Variants in PAGE1 observed in about 807,000 individuals in gnomAD.
PAGE1 encodes the protein PAGE family member 1.
In PAGE1, 6 loss-of-function variants were observed where a neutral mutation model predicts 11.5. That is an observed-to-expected ratio of 0.52 (90% CI 0.29 to 1.03). PAGE1 has a LOEUF of 1.03. Ranked by LOEUF, PAGE1 falls within the 50% of genes least tolerant of loss-of-function variation. PAGE1 has a pLI of 0.09. For synonymous variants in PAGE1, 42 were observed against 40.2 expected, an observed-to-expected ratio of 1.05 and a Z score of -0.17; for missense variants, 120 against 110.2, an observed-to-expected ratio of 1.09 and a Z score of -0.40.
intron 5 of PAGE1, among the ~76,000 whole-genome samples, chrX:49,688,996 A>G (rs1557141355): frequency 2.7e-5 from 3 of 111,760 alleles, no homozygotes; most frequent in Non-Finnish European, 1.9e-5. Flanking sequence ...TAACCTTTAT[A>G]TAAGAATTCT....
chrX:49,691,442 C>T, intron 3 of PAGE1, 68 bp from the exon 4 acceptor site: 1 of 924,379 alleles, frequency 1.1e-6, no homozygotes. Flanking sequence ...AAATAATATT[C>T]ATGCTCTTGG....
In PAGE1 at chrX:49,691,353, C is replaced by T. The variant is rs1557142207; in HGVS notation, c.188G>A (p.Ser63Asn). ...AGTCTTTGGCTGAACCAGTTCCTGGCTATCAGCTTCAGGCTCCTGCCCTTA... is the reference window on the plus strand; with the variant it reads ...AGTCTTTGGCTGAACCAGTTCCTGGTTATCAGCTTCAGGCTCCTGCCCTTA... ...AAQGQEPEAD[S>N]QELVQPKTGC... is the part of the protein sequence containing the mutation. Residue 63 changes from serine to asparagine, a missense_variant, in exon 4 of 6, where the codon AGC becomes AAC. Ser to Asn is a conservative substitution (Grantham distance 46). Transcript: ENST00000376150. 2 of 1,206,470 alleles carry T rather than the reference C, an allele frequency of 1.7e-6. No homozygotes were observed. Among genetic ancestry groups the T allele is most frequent in the Non-Finnish European group, 2.2e-6 (2 of 892,380 alleles).
chrX:49,694,445 G>A (rs1034728340), intron 2 of PAGE1, among the ~76,000 whole-genome samples: 1 of 111,112 alleles, frequency 9.0e-6, no homozygotes, highest in African/African-American at 3.3e-5. Flanking sequence ...TGTTGGAATA[G>A]ATGTGTATAA....
Position 49,687,511 on chromosome X carries a change from G to A in PAGE1, c.*30C>T. On this transcript the variant is annotated 3_prime_UTR_variant, in exon 6 of 6. Coordinates refer to ENST00000376150, the MANE Select transcript of PAGE1 (RefSeq NM_003785.4). ...TAATGGTCAAATTTCCAACACAGGAGCAGCCTGAACCATTTCAGCGTGTCT... is the reference window on the plus strand; with the variant it reads ...TAATGGTCAAATTTCCAACACAGGAACAGCCTGAACCATTTCAGCGTGTCT... 8.4e-7 allele frequency: 1 copy of A among 1,194,574 alleles called. No homozygotes were observed. The highest frequency in any genetic ancestry group is 1.1e-6 in the Non-Finnish European group (1 of 880,814).
intron 1 of PAGE1, 149 bp from the exon 2 acceptor site, chrX:49,694,927 T>G: frequency 9.9e-6 from 4 of 404,768 alleles, no homozygotes. Context: ...GTACGTTTTC[T>G]GAGTGCTTGC....
intron 4 of PAGE1, among the ~76,000 whole-genome samples, chrX:49,690,130 TACAC>T (rs782810697): frequency 1.2e-5 from 1 of 86,736 alleles, no homozygotes; most frequent in Non-Finnish European, 2.3e-5. Flanking sequence ...TGTGTATATA[TACAC>T]ATATATATGT....
Position 49,690,344 on chromosome X carries a change from C to T in PAGE1, c.293-801G>A, listed in dbSNP as rs1450396379. ...TTCCAAATATTACCCTCTTCCTTTC[C>T]GAAGACTGCCCTCAGACAACTTTGT... is the stretch of plus-strand genomic sequence containing the variant. On this transcript the variant is annotated intron_variant, in intron 4 of 5. Transcript: ENST00000376150. Among the ~76,000 whole-genome samples the T allele has an allele frequency of 1.1e-4, 12 of 108,154 alleles. No homozygotes were observed. The East Asian group carries it at 2.4e-3, about 22-fold the overall frequency. The allele number at this position is 108,154 out of a possible 115,157, so 93.9% of individuals were successfully genotyped here. A position where few individuals can be genotyped will look rare whatever the true frequency, so the allele number is the denominator to read the frequency against.
chrX:49,687,622 C>T, intron 5 of PAGE1, 59 bp from the exon 6 acceptor site: 1 of 1,046,267 alleles, frequency 9.6e-7, no homozygotes, highest in South Asian at 2.0e-5. Context: ...TTAGATGACC[C>T]AAAAGGCACA....
intron 4 of PAGE1, among the ~76,000 whole-genome samples, chrX:49,689,830 ATATATG>A: frequency 1.6e-5 from 1 of 60,639 alleles, no homozygotes; most frequent in African/African-American, 8.1e-5. Flanking sequence ...ATATATGTGT[ATATATG>A]TGTGTATATA....
chrX:49,692,237 A>C (rs2066923173), intron 3 of PAGE1, among the ~76,000 whole-genome samples: 2 of 112,235 alleles, frequency 1.8e-5, no homozygotes, highest in South Asian at 7.4e-4. Flanking sequence ...GCAGGTTCTC[A>C]TTGTTAAATG....
chrX:49,692,561 G>T (rs1199992516), intron 3 of PAGE1, among the ~76,000 whole-genome samples: 5 of 110,556 alleles, frequency 4.5e-5, no homozygotes, highest in Non-Finnish European at 9.4e-5. Flanking sequence ...GTTATGTCTT[G>T]AAAATATATA....
chrX:49,689,576 AT>A (rs782375336), intron 4 of PAGE1, 33 bp from the exon 5 acceptor site: 141 of 11,296 alleles, frequency 0.012, 1 homozygote, highest in Non-Finnish European at 0.018. Flanking sequence ...AAAAAAAAAA[AT>A]ATATATATAT....
At chrX:49,687,863 A>T (rs1261373927) in intron 5 of PAGE1, among the ~76,000 whole-genome samples, 2 of 112,913 alleles carry the variant, frequency 1.8e-5, no homozygotes, top group Non-Finnish European at 3.7e-5. Context: ...TCGGTGGATT[A>T]CTCAGAAAGT....
At chrX:49,692,103 T>C (rs2066922576) in intron 3 of PAGE1, among the ~76,000 whole-genome samples, 1 of 110,068 alleles carries the variant, frequency 9.1e-6, no homozygotes, top group African/African-American at 3.3e-5. Context: ...GCCGAGATCT[T>C]GCCACTGCAC....
In PAGE1 at chrX:49,694,766, C is replaced by T; in HGVS notation, c.5G>A (p.Gly2Asp). The T allele has an allele frequency of 1.7e-6, 2 of 1,176,007 alleles. No individual in the cohort carries two copies. The highest frequency in any genetic ancestry group is 2.3e-6 in the Non-Finnish European group (2 of 865,803). Residue 2 changes from glycine (G) to aspartate (D), a missense_variant, in exon 2 of 6, where the codon GGT becomes GAT. Gly to Asp is a moderately conservative substitution (Grantham distance 94, BLOSUM62 -1). Transcript: ENST00000376150. Reference protein sequence around the residue: MGFLRRLIYRRR... With the variant: MDFLRRLIYRRR... ...CCGATAGATTAATCTTCTTAGAAAACCCATATTTCACACTGAAAAGAGAAA... is the reference window on the plus strand; with the variant it reads ...CCGATAGATTAATCTTCTTAGAAAATCCATATTTCACACTGAAAAGAGAAA...
intron 2 of PAGE1, among the ~76,000 whole-genome samples, chrX:49,694,506 T>C (rs1399808140): frequency 9.0e-6 from 1 of 110,642 alleles, no homozygotes; most frequent in African/African-American, 3.3e-5. Context: ...TGGCCAAAAG[T>C]TGGAGAACAC....
At chrX:49,688,192 C>T (rs1249522530) in intron 5 of PAGE1, among the ~76,000 whole-genome samples, 1 of 112,306 alleles carries the variant, frequency 8.9e-6, no homozygotes, top group Non-Finnish European at 1.9e-5. Flanking sequence ...CCAGAGAATC[C>T]CAGCCTGGGC....
chrX:49,692,812 A>C (rs1476391037), intron 3 of PAGE1, among the ~76,000 whole-genome samples: 1 of 106,736 alleles, frequency 9.4e-6, no homozygotes, highest in Non-Finnish European at 1.9e-5. Context: ...ATTTGCGATG[A>C]GGTCTCCCTA....
At chrX:49,695,608 A>T (rs2147148454) in intron 1 of PAGE1, among the ~76,000 whole-genome samples, 1 of 111,276 alleles carries the variant, frequency 9.0e-6, no homozygotes, top group African/African-American at 3.3e-5. Context: ...CACTCGCCTC[A>T]TTTTCACCTG....
Sources: gnomAD v4.1 joint callset for allele counts (sites outside exome capture counted in the v4.1 genomes callset) on GRCh38, gnomAD v4.1.1 for gene constraint, MANE v1.5 for transcripts, NCBI Gene and HGNC (gene_info 2026-07-23, HGNC 2026-07-21) for gene names.